The following CFTR variants were observed in gnomAD, a reference collection of about 807,000 sequenced individuals.
CFTR encodes CF transmembrane conductance regulator.
CFTR carries 181 observed loss-of-function variants against 171.6 expected under a neutral mutation model. That is an observed-to-expected ratio of 1.05 (90% CI 0.93 to 1.19). CFTR has a LOEUF of 1.19. Ranked by LOEUF, CFTR falls within the 50% of genes most tolerant of loss-of-function variation. CFTR has a pLI of 0.00. For missense variants in CFTR, 1,968 were observed against 1,734.7 expected (o/e 1.13, Z -2.39); for synonymous variants, 583 against 608.0 (o/e 0.96, Z 0.60).
intron 20 of CFTR, among the ~76,000 whole-genome samples, chr7:117,612,047 A>ATATATATG: frequency 1.3e-5 from 1 of 75,986 alleles, no homozygotes; most frequent in East Asian, 2.5e-4. Context: ...ATATATATAT[A>ATATATATG]TATATACATA....
chr7:117,603,457 A>G, intron 16 of CFTR, 75 bp from the exon 17 acceptor site: 1 of 1,537,076 alleles, frequency 6.5e-7, no homozygotes, highest in Non-Finnish European at 9.0e-7. Context: ...ACTCAAGTTT[A>G]GTTCCATTTA....
At chr7:117,565,110 C>T (rs187877313) in intron 11 of CFTR, among the ~76,000 whole-genome samples, 32 of 152,288 alleles carry the variant, frequency 2.1e-4, no homozygotes, top group African/African-American at 6.7e-4. Context: ...AATACTATTA[C>T]GTATCCCTGT....
chr7:117,480,190 C>G, intron 1 of CFTR, 43 bp downstream of exon 1: 2 of 1,593,990 alleles, frequency 1.3e-6, no homozygotes, highest in Non-Finnish European at 8.6e-7. Context: ...CACGTGCCCA[C>G]GAAAGAGGAG....
At chr7:117,548,497 G>C (rs558444098) in intron 9 of CFTR, 144 bp from the exon 10 acceptor site, 1 of 1,441,348 alleles carries the variant, frequency 6.9e-7, no homozygotes. Context: ...GTACTATAAA[G>C]TAATAATGTA....
intron 10 of CFTR, among the ~76,000 whole-genome samples, chr7:117,556,909 T>A (rs1437925331): frequency 2.0e-5 from 3 of 152,198 alleles, no homozygotes; most frequent in Non-Finnish European, 4.4e-5. Flanking sequence ...AAGCTTTCCA[T>A]GAATTAGCTT....
chr7:117,484,158 C>T (rs532527977), intron 1 of CFTR, among the ~76,000 whole-genome samples: 19 of 152,206 alleles, frequency 1.2e-4, no homozygotes, highest in African/African-American at 4.6e-4. Flanking sequence ...CAAGGAAGAC[C>T]AGTTGGCTAC....
At chr7:117,645,083 T>C (rs1403944988) in intron 23 of CFTR, among the ~76,000 whole-genome samples, 1 of 152,192 alleles carries the variant, frequency 6.6e-6, no homozygotes, top group African/African-American at 2.4e-5. Context: ...GAAAAGAATC[T>C]ATGTCCACAC....
chr7:117,578,667 A>G (rs1041210585), intron 11 of CFTR, among the ~76,000 whole-genome samples: 2 of 152,150 alleles, frequency 1.3e-5, no homozygotes, highest in African/African-American at 2.4e-5. Flanking sequence ...CTCACATTTT[A>G]TAGGCCATTA....
chr7:117,666,515 C>G (rs1258441203), intron 26 of CFTR, among the ~76,000 whole-genome samples: 1 of 152,218 alleles, frequency 6.6e-6, no homozygotes, highest in Non-Finnish European at 1.5e-5. Context: ...GTATTAAACT[C>G]AGGCACATCC....
chr7:117,628,893 A>G (rs1302716432), intron 22 of CFTR, among the ~76,000 whole-genome samples: 1 of 152,108 alleles, frequency 6.6e-6, no homozygotes, highest in African/African-American at 2.4e-5. Flanking sequence ...TGAATGCCAA[A>G]AGTGATATCA....
chr7:117,530,244 C>T (rs1798837033), intron 3 of CFTR, among the ~76,000 whole-genome samples: 1 of 152,150 alleles, frequency 6.6e-6, no homozygotes. Context: ...ATTCCTATTG[C>T]TGACTGAGAA....
chr7:117,614,252 C>T (rs1326664252), intron 20 of CFTR, among the ~76,000 whole-genome samples: 1 of 151,968 alleles, frequency 6.6e-6, no homozygotes, highest in East Asian at 1.9e-4. Flanking sequence ...CTCTTTTCCC[C>T]ATTGCCCATT....
Position 117,664,672 on chromosome 7 carries a change from T to C in CFTR, c.3964-16T>C, listed in dbSNP as rs199672530. Reference sequence around the variant, plus strand: ...TTTTAACTCTGTGGTATCTGAACTATCTTCTCTAACTGCAGGTTGGGCTCA... The same window carrying C: ...TTTTAACTCTGTGGTATCTGAACTACCTTCTCTAACTGCAGGTTGGGCTCA... On this transcript the variant is annotated splice_polypyrimidine_tract_variant and intron_variant, in intron 24 of 26. Transcript: ENST00000003084. 178 of 1,612,580 alleles carry C rather than the reference T, an allele frequency of 1.1e-4. No homozygotes were observed. The highest frequency in any genetic ancestry group is 1.4e-4 in the Non-Finnish European group (160 of 1,178,784).
chr7:117,616,719 A>AAT, intron 21 of CFTR, among the ~76,000 whole-genome samples: 1 of 152,276 alleles, frequency 6.6e-6, no homozygotes, highest in African/African-American at 2.4e-5. Flanking sequence ...GGATCTTTGC[A>AAT]AGGACCTATT....
chr7:117,484,010 A>G (rs963575797), intron 1 of CFTR, among the ~76,000 whole-genome samples: 11 of 152,214 alleles, frequency 7.2e-5, no homozygotes, highest in African/African-American at 2.7e-4. Flanking sequence ...ATAAATTATG[A>G]TACACTATTA....
intron 7 of CFTR, 145 bp from the exon 8 acceptor site, chr7:117,539,955 G>T: frequency 3.0e-6 from 2 of 666,230 alleles, no homozygotes; most frequent in East Asian, 2.7e-5. Context: ...CATGCCCAAG[G>T]TCACACAGGT....
intron 15 of CFTR, 92 bp downstream of exon 15, chr7:117,595,150 T>G (rs1253580846): frequency 1.0e-6 from 1 of 991,610 alleles, no homozygotes; most frequent in Non-Finnish European, 1.6e-6. Flanking sequence ...CACATAAATA[T>G]GTATATATAC....
rs147945432 is a variant in CFTR at position 117,634,587 on chromosome 7, A to G, written c.3717+6817A>G. The stretch of plus-strand genomic sequence containing the variant: ...ATCCTTTTGCATTCTTATGCATTCA[A>G]TGATGTAAATTTCCCTCTAAGCACT... On this transcript the variant is annotated intron_variant, in intron 22 of 26. Coordinates refer to ENST00000003084, the MANE Select transcript of CFTR (RefSeq NM_000492.4). Among the ~76,000 whole-genome samples the G allele has an allele frequency of 1.6e-3, 244 of 152,168 alleles. 1 individual carries two copies. Among genetic ancestry groups the G allele is most frequent in the African/African-American group, 5.7e-3 (235 of 41,566 alleles).
At position 117,559,627 on chromosome 7, in the gene CFTR, G is replaced by A. The variant is rs1279717363; in HGVS notation, c.1556G>A (p.Ser519Asn). The change falls in exon 11 of 27, where the codon AGC (serine) becomes AAC (asparagine). Residue 519 changes from serine (S) to asparagine (N), a missense_variant. Ser to Asn is a conservative substitution (Grantham distance 46). Transcript: ENST00000003084. ...GVSYDEYRYR[S>N]VIKACQLEED... The stretch of plus-strand genomic sequence containing the variant: ...TCCTATGATGAATATAGATACAGAA[G>A]CGTCATCAAAGCATGCCAACTAGAA... 6.2e-7 allele frequency: 1 copy of A among 1,613,272 alleles called. No individual in the cohort carries two copies. Among genetic ancestry groups the A allele is most frequent in the Admixed American group, 1.7e-5 (1 of 60,008 alleles).
Sources: gnomAD v4.1 joint callset for allele counts (sites outside exome capture counted in the v4.1 genomes callset) on GRCh38, gnomAD v4.1.1 for gene constraint, MANE v1.5 for transcripts, NCBI Gene and HGNC (gene_info 2026-07-23, HGNC 2026-07-21) for gene names.